The following ARHGAP18 variants were observed in gnomAD, a reference collection of about 807,000 sequenced individuals.
ARHGAP18 encodes rho GTPase-activating protein 18.
ARHGAP18 carries 67 observed loss-of-function variants against 86.2 expected under a neutral mutation model. That is an observed-to-expected ratio of 0.78 (90% CI 0.64 to 0.95). The LOEUF (loss-of-function observed/expected upper bound fraction) is 0.95, where lower values mean the gene tolerates loss of function less well. ARHGAP18 is among the 40% of genes least tolerant of loss of function. The pLI, the probability that ARHGAP18 is intolerant of heterozygous loss-of-function variation, is 0.00. For synonymous variants in ARHGAP18, 283 were observed against 280.4 expected, an observed-to-expected ratio of 1.01 and a Z score of -0.09; for missense variants, 691 against 780.4, an observed-to-expected ratio of 0.89 and a Z score of 1.37.
intron 1 of ARHGAP18, among the ~76,000 whole-genome samples, chr6:129,657,580 G>A (rs1423936106): frequency 6.6e-6 from 1 of 152,104 alleles, no homozygotes; most frequent in Admixed American, 6.6e-5. Context: ...CAAACACAGG[G>A]CAACCATCTG....
intron 12 of ARHGAP18, 70 bp from the exon 13 acceptor site, chr6:129,584,182 A>G (rs1562676278): frequency 6.3e-7 from 1 of 1,583,958 alleles, no homozygotes; most frequent in Admixed American, 1.7e-5. Flanking sequence ...AATGCATTAT[A>G]TAGTAAGTGT....
intron 14 of ARHGAP18, among the ~76,000 whole-genome samples, chr6:129,578,996 A>C (rs1370975138): frequency 6.6e-6 from 1 of 152,078 alleles, no homozygotes; most frequent in Non-Finnish European, 1.5e-5. Flanking sequence ...ATAAAAAAAA[A>C]ACTTCTCATT....
At chr6:129,625,608 T>A (rs1452333206) in intron 5 of ARHGAP18, among the ~76,000 whole-genome samples, 1 of 44,496 alleles carries the variant, frequency 2.2e-5, no homozygotes, top group Non-Finnish European at 4.3e-5. Context: ...TATTATATAT[T>A]ATTATATATT....
chr6:129,634,211 A>T, intron 3 of ARHGAP18, 106 bp from the exon 4 acceptor site: 5 of 913,026 alleles, frequency 5.5e-6, no homozygotes, highest in Non-Finnish European at 8.5e-6. Context: ...ACATGTACTC[A>T]GAATTATAAC....
chr6:129,610,870 G>A (rs370462047), intron 8 of ARHGAP18, among the ~76,000 whole-genome samples: 3 of 151,922 alleles, frequency 2.0e-5, no homozygotes, highest in South Asian at 2.1e-4. Flanking sequence ...CTCGTGATCC[G>A]CCCACCTTGG....
At chr6:129,615,062 T>G (rs1424330095) in intron 7 of ARHGAP18, among the ~76,000 whole-genome samples, 1 of 152,172 alleles carries the variant, frequency 6.6e-6, no homozygotes. Context: ...AATCTCTTCC[T>G]CTCACTCTAA....
At position 129,662,007 on chromosome 6, in the gene ARHGAP18, T is replaced by A. The variant is rs541836130; in HGVS notation, c.114-19989A>T. ...ACACACACACAGAACACAAAGCCCC[T>A]GAAACCAAGGGCCCCTCCCAAGATC... On this transcript the variant is annotated intron_variant, in intron 1 of 14. Transcript: ENST00000368149. 21 of 837,108 alleles carry A rather than the reference T, an allele frequency of 2.5e-5. No individual in the cohort carries two copies. In the African/African-American group the frequency reaches 3.7e-4, roughly 15 times the overall value. The allele number at this position is 837,108 out of a possible 1,614,324, so 51.9% of individuals were successfully genotyped here. A position where few individuals can be genotyped will look rare whatever the true frequency, so the allele number is the denominator to read the frequency against.
chr6:129,611,064 T>C (rs989137925), intron 8 of ARHGAP18, among the ~76,000 whole-genome samples: 2 of 152,120 alleles, frequency 1.3e-5, no homozygotes, highest in Non-Finnish European at 2.9e-5. Context: ...GCCTGGCTAA[T>C]TTTTTAAAAT....
intron 1 of ARHGAP18, among the ~76,000 whole-genome samples, chr6:129,653,394 G>T (rs569179223): frequency 9.9e-5 from 15 of 152,284 alleles, no homozygotes; most frequent in African/African-American, 3.4e-4. Flanking sequence ...GTAATTTTAT[G>T]AGTAGCTCAA....
chr6:129,663,454 C>T (rs1773990183), intron 1 of ARHGAP18, among the ~76,000 whole-genome samples: 1 of 152,120 alleles, frequency 6.6e-6, no homozygotes, highest in African/African-American at 2.4e-5. Flanking sequence ...TTTCCTACGC[C>T]CCAATAATTA....
chr6:129,684,722 CGT>C (rs1774397246), intron 1 of ARHGAP18, among the ~76,000 whole-genome samples: 1 of 152,146 alleles, frequency 6.6e-6, no homozygotes, highest in African/African-American at 2.4e-5. Flanking sequence ...GTGACTTTCA[CGT>C]GTTTAGCATA....
chr6:129,629,812 C>T (rs1273732428), intron 4 of ARHGAP18, among the ~76,000 whole-genome samples: 1 of 152,038 alleles, frequency 6.6e-6, no homozygotes, highest in Non-Finnish European at 1.5e-5. Flanking sequence ...AGATAGTAAA[C>T]TTTTAATAAA....
intron 1 of ARHGAP18, among the ~76,000 whole-genome samples, chr6:129,660,461 A>G (rs1773927622): frequency 6.6e-6 from 1 of 151,688 alleles, no homozygotes; most frequent in Non-Finnish European, 1.5e-5. Context: ...ACAGGAGGGT[A>G]GATGGCAAAG....
At chr6:129,691,884 T>A (rs541688202) in intron 1 of ARHGAP18, among the ~76,000 whole-genome samples, 1 of 152,296 alleles carries the variant, frequency 6.6e-6, no homozygotes, top group African/African-American at 2.4e-5. Flanking sequence ...CCGTTCCTGC[T>A]CAGCCCACAC....
chr6:129,600,300 A>T (rs553350998), intron 11 of ARHGAP18, among the ~76,000 whole-genome samples: 6 of 152,296 alleles, frequency 3.9e-5, no homozygotes, highest in African/African-American at 1.4e-4. Flanking sequence ...AGATGTTCTC[A>T]GTTAATAAGG....
intron 1 of ARHGAP18, among the ~76,000 whole-genome samples, chr6:129,702,893 G>C (rs1347843457): frequency 6.6e-6 from 1 of 152,216 alleles, no homozygotes; most frequent in Non-Finnish European, 1.5e-5. Flanking sequence ...CCAGCTACTG[G>C]GGAAGCTAAG....
intron 1 of ARHGAP18, among the ~76,000 whole-genome samples, chr6:129,656,697 G>A (rs1191672032): frequency 2.0e-5 from 3 of 152,086 alleles, no homozygotes; most frequent in Non-Finnish European, 4.4e-5. Flanking sequence ...CACAGTAAGA[G>A]GAGGTGAGAA....
chr6:129,625,158 T>TC (rs376757336), intron 5 of ARHGAP18, among the ~76,000 whole-genome samples: 1 of 53,314 alleles, frequency 1.9e-5, no homozygotes, highest in Non-Finnish European at 3.2e-5. Context: ...ATTATATAGA[T>TC]ATATATTATA....
chr6:129,658,184 T>TA (rs1019423951), intron 1 of ARHGAP18, among the ~76,000 whole-genome samples: 2 of 152,170 alleles, frequency 1.3e-5, no homozygotes, highest in African/African-American at 2.4e-5. Context: ...CTTCTCCTTC[T>TA]AAAAAATCAT....
Sources: gnomAD v4.1 joint callset for allele counts (sites outside exome capture counted in the v4.1 genomes callset) on GRCh38, gnomAD v4.1.1 for gene constraint, MANE v1.5 for transcripts, NCBI Gene and HGNC (gene_info 2026-07-23, HGNC 2026-07-21) for gene names.